AKT2: variants seen among roughly 807,000 people sequenced by gnomAD.
AKT2 encodes AKT serine/threonine kinase 2.
AKT2 carries 16 observed loss-of-function variants against 58.6 expected under a neutral mutation model. That is an observed-to-expected ratio of 0.27 (90% CI 0.18 to 0.41). The LOEUF is 0.41. AKT2 is among the 10% of genes least tolerant of loss of function. The probability of loss-of-function intolerance (pLI) is 1.00; values close to 1 mark genes in which losing one functional copy is unlikely to be tolerated. For synonymous variants in AKT2, 253 were observed against 254.0 expected (o/e 1.00, Z 0.04); for missense variants, 438 against 661.0 (o/e 0.66, Z 3.70).
chr19:40,272,598 T>C (rs1031118602), intron 1 of AKT2, among the ~76,000 whole-genome samples: 5 of 152,204 alleles, frequency 3.3e-5, no homozygotes, highest in Non-Finnish European at 5.9e-5. Context: ...GCTGATGTCA[T>C]TGAGATTGGC....
Position 40,234,909 on chromosome 19 carries a change from G to A in AKT2, c.1366+136C>T, listed in dbSNP as rs1310020938. 1.2e-6 allele frequency: 1 copy of A among 855,294 alleles called. No individual in the cohort carries two copies. The highest frequency in any genetic ancestry group is 1.9e-6 in the Non-Finnish European group (1 of 517,894). 53.0% of individuals were successfully genotyped at this position (855,294 alleles called of 1,614,324 possible). ...AAGAGGACCAACAGCAAAAGGGCCT[G>A]AGAGCAGACTTGGGGAAATCTCCCA... On this transcript the variant is annotated intron_variant, in intron 13 of 13. Transcript: ENST00000392038. The surrounding 1 kb of genome is among the most constrained non-coding windows in gnomAD (Gnocchi z 4.7).
At position 40,266,663 on chromosome 19, in the gene AKT2, G is replaced by A. The variant is rs1034515271; in HGVS notation, c.-84-1312C>T. On this transcript the variant is annotated intron_variant, in intron 1 of 13. Coordinates refer to ENST00000392038, the MANE Select transcript of AKT2 (RefSeq NM_001626.6). ...TCAATCCTCAGCATCCCCACATCTC[G>A]GCCGGGCACAATGGCTCATGTCTGT... Among the ~76,000 whole-genome samples the A allele has an allele frequency of 5.9e-5, 9 of 152,252 alleles. No homozygotes were observed. The South Asian group carries it at 1.7e-3, about 28-fold the overall frequency.
chr19:40,230,958 A>G lies in AKT2; in HGVS notation c.*2914T>C, dbSNP rs1973672542. The G allele has an allele frequency of 5.2e-6, 1 of 192,212 alleles. No homozygotes were observed. The highest frequency in any genetic ancestry group is 1.1e-5 in the Non-Finnish European group (1 of 92,074). The allele number at this position is 192,212 out of a possible 1,614,324, so 11.9% of individuals were successfully genotyped here. On this transcript the variant is annotated 3_prime_UTR_variant, in exon 14 of 14. Transcript: ENST00000392038. ...GGCTGGTCTCGAACCCCTGGCCTCA[A>G]GAGACCCGCCCGCCTCGGCCTCCCA...
chr19:40,233,710 G>A lies in AKT2; in HGVS notation c.*162C>T. 1 of 795,356 alleles carries A rather than the reference G, an allele frequency of 1.3e-6. No individual in the cohort carries two copies. The highest frequency in any genetic ancestry group is 2.2e-6 in the Non-Finnish European group (1 of 451,854). The allele number at this position is 795,356 out of a possible 1,614,324, so 49.3% of individuals were successfully genotyped here. On this transcript the variant is annotated 3_prime_UTR_variant, in exon 14 of 14. Coordinates refer to ENST00000392038, the MANE Select transcript of AKT2 (RefSeq NM_001626.6). The surrounding 1 kb of genome is among the most constrained non-coding windows in gnomAD (Gnocchi z 4.3). The stretch of plus-strand genomic sequence containing the variant: ...GGAGGCTGGAGGCAGGGGCTGCAGG[G>A]GCCGCTGGGGTGCGTCTGGGAGGGG...
intron 2 of AKT2, among the ~76,000 whole-genome samples, chr19:40,264,193 C>T (rs1010595162): frequency 6.6e-6 from 1 of 152,168 alleles, no homozygotes; most frequent in Non-Finnish European, 1.5e-5. Flanking sequence ...CAGCCAACCG[C>T]CACACCTGGG....
In AKT2 at chr19:40,233,667, G is replaced by T; in HGVS notation, c.*205C>A. ...GGTGGAGTCTTCCAAATGCGAGTCT[G>T]GGCACAAAGGTGAGGCTGGAGGCTG... On this transcript the variant is annotated 3_prime_UTR_variant, in exon 14 of 14. Transcript: ENST00000392038. This position sits in a 1 kb window ranked among gnomAD's most constrained non-coding sequence, Gnocchi z 4.3. 1.3e-6 allele frequency: 1 copy of T among 763,778 alleles called. No homozygotes were observed. Among genetic ancestry groups the T allele is most frequent in the East Asian group, 2.4e-5 (1 of 41,050 alleles). The allele number at this position is 763,778 out of a possible 1,614,324, so 47.3% of individuals were successfully genotyped here. A position where few individuals can be genotyped will look rare whatever the true frequency, so the allele number is the denominator to read the frequency against.
At chr19:40,282,290 G>A (rs1021919072) in intron 1 of AKT2, 13 of 342,784 alleles carry the variant, frequency 3.8e-5, no homozygotes, top group African/African-American at 1.3e-4. Context: ...CAAGGTGGAC[G>A]TCCTTCTGAG....
intron 7 of AKT2, 119 bp downstream of exon 7, chr19:40,239,926 T>C (rs771857857): frequency 4.7e-6 from 6 of 1,283,596 alleles, no homozygotes; most frequent in East Asian, 2.3e-5. Flanking sequence ...CAGCAACACC[T>C]TGCCCTGCCC....
At chr19:40,277,000 G>T (rs1483629560) in intron 1 of AKT2, among the ~76,000 whole-genome samples, 1 of 152,176 alleles carries the variant, frequency 6.6e-6, no homozygotes. Flanking sequence ...TCCAGCCTGG[G>T]TGACAGAGCC....
At position 40,235,830 on chromosome 19, in the gene AKT2, G is replaced by T. The variant is rs1973987343; in HGVS notation, c.1175+60C>A. ...CCCTTGTGGACGCTGCCCCCTCCAG[G>T]CCGCAGGGACAGTGGCAGCAGCTGG... On this transcript the variant is annotated intron_variant, in intron 11 of 13. Transcript: ENST00000392038. The surrounding 1 kb of genome is among the most constrained non-coding windows in gnomAD (Gnocchi z 6.3). 2 of 1,525,122 alleles carry T rather than the reference G, an allele frequency of 1.3e-6. No homozygotes were observed. The highest frequency in any genetic ancestry group is 1.8e-5 in the Admixed American group (1 of 54,790). 94.5% of individuals were successfully genotyped at this position (1,525,122 alleles called of 1,614,324 possible).
In AKT2 at chr19:40,235,549, A is replaced by G. The variant is rs949086117; in HGVS notation, c.1176-199T>C. ...GCCAGGGAGTCAGCAACCCGGACCC[A>G]CGTGTCCTCACTGCCTGGCCTTACC... is the stretch of plus-strand genomic sequence containing the variant. On this transcript the variant is annotated intron_variant, in intron 11 of 13. Coordinates refer to ENST00000392038, the MANE Select transcript of AKT2 (RefSeq NM_001626.6). This position sits in a 1 kb window ranked among gnomAD's most constrained non-coding sequence, Gnocchi z 6.3. 1.5e-6 allele frequency: 1 copy of G among 656,330 alleles called. No homozygotes were observed. Among genetic ancestry groups the G allele is most frequent in the Non-Finnish European group, 2.7e-6 (1 of 365,416 alleles). 40.7% of individuals were successfully genotyped at this position (656,330 alleles called of 1,614,324 possible). A position where few individuals can be genotyped will look rare whatever the true frequency, so the allele number is the denominator to read the frequency against.
intron 4 of AKT2, among the ~76,000 whole-genome samples, chr19:40,248,325 T>C (rs977402522): frequency 1.3e-4 from 20 of 152,230 alleles, no homozygotes; most frequent in African/African-American, 4.8e-4. Context: ...CCTGCAAATG[T>C]GGAGCATTTC....
intron 1 of AKT2, among the ~76,000 whole-genome samples, chr19:40,271,054 A>G (rs906647919): frequency 6.6e-6 from 1 of 150,974 alleles, no homozygotes; most frequent in Non-Finnish European, 1.5e-5. Context: ...AAACAAAAAA[A>G]GCTGGCCGGG....
Position 40,235,113 on chromosome 19 carries a change from T to C in AKT2, c.1298A>G (p.Glu433Gly). ...ATCATCGAAGTACCTTGTGTCGACC[T>C]CGGACGTGACCTGAGGTTTGAAGGG... is the stretch of plus-strand genomic sequence containing the variant. ...LPPFKPQVTS[E>G]VDTRYFDDEF... Residue 433 changes from glutamate to glycine, a missense_variant, in exon 13 of 14, where the codon GAG (glutamate) becomes GGG (glycine). Physicochemically the swap from Glu to Gly is moderately conservative, Grantham distance 98 (BLOSUM62 -2). Transcript: ENST00000392038. The surrounding 1 kb of genome is among the most constrained non-coding windows in gnomAD (Gnocchi z 6.3). 1 of 1,614,012 alleles carries C rather than the reference T, an allele frequency of 6.2e-7. No individual in the cohort carries two copies. Among genetic ancestry groups the C allele is most frequent in the Non-Finnish European group, 8.5e-7 (1 of 1,179,980 alleles).
rs932492501 is a variant in AKT2 at position 40,262,006 on chromosome 19, C to T, written c.46+3216G>A. Among the ~76,000 whole-genome samples the T allele has an allele frequency of 5.9e-5, 9 of 151,462 alleles. 1 individual carries two copies. Among genetic ancestry groups the T allele is most frequent in the Admixed American group, 5.9e-4 (9 of 15,224 alleles). ...TTGGGAGGAGCACTTGGGAGAGCTT[C>T]CGGGGACCGTCTTATTCTATTTCTT... On this transcript the variant is annotated intron_variant, in intron 2 of 13. Transcript: ENST00000392038.
intron 1 of AKT2, chr19:40,279,532 G>C (rs1057410161): frequency 6.6e-6 from 1 of 152,252 alleles, no homozygotes; most frequent in South Asian, 2.1e-4. Flanking sequence ...CAGGGGCTTG[G>C]AGCTCAAGTC....
chr19:40,235,755 G>T lies in AKT2; in HGVS notation c.1175+135C>A. ...GCACTCCCTAAGTGCCACTGTGGAC[G>T]TTTTCAGGGGCTGTGTGGGGACGAC... On this transcript the variant is annotated intron_variant, in intron 11 of 13. Transcript: ENST00000392038. This position sits in a 1 kb window ranked among gnomAD's most constrained non-coding sequence, Gnocchi z 6.3. The T allele has an allele frequency of 1.1e-6, 1 of 935,116 alleles. No homozygotes were observed. The highest frequency in any genetic ancestry group is 1.6e-6 in the Non-Finnish European group (1 of 637,328). The allele number at this position is 935,116 out of a possible 1,614,324, so 57.9% of individuals were successfully genotyped here. A position where few individuals can be genotyped will look rare whatever the true frequency, so the allele number is the denominator to read the frequency against.
intron 2 of AKT2, among the ~76,000 whole-genome samples, chr19:40,262,532 A>G (rs1450574670): frequency 6.6e-6 from 1 of 152,208 alleles, no homozygotes; most frequent in Non-Finnish European, 1.5e-5. Flanking sequence ...AGCACATGGC[A>G]TGAGTGACTC....
At chr19:40,272,971 T>C (rs962859842) in intron 1 of AKT2, among the ~76,000 whole-genome samples, 4 of 152,200 alleles carry the variant, frequency 2.6e-5, no homozygotes, top group Admixed American at 6.5e-5. Flanking sequence ...TCTAAGGCTA[T>C]TGGAGGGTTC....
Sources: allele counts gnomAD v4.1 joint callset (sites outside exome capture counted in the v4.1 genomes callset), GRCh38; gene constraint gnomAD v4.1.1; non-coding constraint Gnocchi (gnomAD v3.1); transcripts MANE v1.5; gene names NCBI Gene and HGNC (gene_info 2026-07-23, HGNC 2026-07-21).